Variants in FHL2 observed in about 807,000 individuals in gnomAD.
FHL2 encodes the protein four and a half LIM domains protein 2.
A neutral mutation model predicts 32.7 loss-of-function variants in FHL2; 20 were observed. The observed-to-expected ratio is 0.61, with a 90% CI of 0.43 to 0.89. The LOEUF is 0.89. FHL2 is among the 40% of genes least tolerant of loss of function. The pLI is 0.00. For missense variants in FHL2, 311 were observed against 358.6 expected, an observed-to-expected ratio of 0.87 and a Z score of 1.07; for synonymous variants, 123 against 128.1, an observed-to-expected ratio of 0.96 and a Z score of 0.27.
At chr2:105,416,896 G>C (rs1683951618) in intron 1 of FHL2, among the ~76,000 whole-genome samples, 1 of 152,128 alleles carries the variant, frequency 6.6e-6, no homozygotes, top group Non-Finnish European at 1.5e-5. Flanking sequence ...GCATTTTTGG[G>C]AAAATATCTA....
intron 1 of FHL2, among the ~76,000 whole-genome samples, chr2:105,407,736 C>CTG (rs1387783417): frequency 6.6e-6 from 1 of 152,158 alleles, no homozygotes; most frequent in Non-Finnish European, 1.5e-5. Context: ...TGGTGCTTCT[C>CTG]TCTCAGAGTC....
At chr2:105,430,729 T>C (rs557203377) in intron 1 of FHL2, among the ~76,000 whole-genome samples, 2 of 152,294 alleles carry the variant, frequency 1.3e-5, no homozygotes, top group South Asian at 2.1e-4. Context: ...GAGTTGGGTA[T>C]AAAGAAATTC....
At chr2:105,404,897 T>C (rs1683578926) in intron 1 of FHL2, among the ~76,000 whole-genome samples, 1 of 152,232 alleles carries the variant, frequency 6.6e-6, no homozygotes, top group Non-Finnish European at 1.5e-5. Flanking sequence ...GCCTGACTTT[T>C]AGCCAAATCC....
upstream of FHL2, among the ~76,000 whole-genome samples, chr2:105,400,656 T>G (rs1683428382): frequency 6.6e-6 from 1 of 151,670 alleles, no homozygotes; most frequent in Non-Finnish European, 1.5e-5. Context: ...GCATTTATCT[T>G]CTTTCTGATT....
intron 1 of FHL2, among the ~76,000 whole-genome samples, chr2:105,405,829 CCACAGGTAA>C (rs748572847): frequency 3.2e-4 from 49 of 152,332 alleles, no homozygotes; most frequent in Non-Finnish European, 5.7e-4. Flanking sequence ...GTGTATGTGG[CCACAGGTAA>C]CACCCTTCAC....
At chr2:105,365,934 G>C (rs1680600195) in intron 5 of FHL2, among the ~76,000 whole-genome samples, 1 of 152,194 alleles carries the variant, frequency 6.6e-6, no homozygotes, top group Non-Finnish European at 1.5e-5. Flanking sequence ...GCCAGGCATG[G>C]TGGCTCACGC....
intron 1 of FHL2, among the ~76,000 whole-genome samples, chr2:105,435,407 C>T (rs759519859): frequency 1.2e-4 from 18 of 152,200 alleles, no homozygotes; most frequent in Admixed American, 4.6e-4. Flanking sequence ...TGTGTTCATA[C>T]GAAACCGTGA....
intron 4 of FHL2, among the ~76,000 whole-genome samples, chr2:105,369,977 G>A (rs1480313089): frequency 6.6e-6 from 1 of 152,220 alleles, no homozygotes; most frequent in Non-Finnish European, 1.5e-5. Context: ...ATACCGGCAG[G>A]TGGCAGGAGC....
chr2:105,398,590 C>G (rs1683306436), intron 1 of FHL2, among the ~76,000 whole-genome samples: 1 of 152,328 alleles, frequency 6.6e-6, no homozygotes, highest in Non-Finnish European at 1.5e-5. Context: ...CTGGTGAGGA[C>G]GCGGGCTGCA....
chr2:105,386,251 G>A, intron 3 of FHL2, 110 bp downstream of exon 3: 1 of 1,292,320 alleles, frequency 7.7e-7, no homozygotes, highest in South Asian at 1.4e-5. Context: ...CCCTCAGAGG[G>A]GGCTCAAGAG....
At chr2:105,438,177 G>C (rs1050716817) in intron 1 of FHL2, among the ~76,000 whole-genome samples, 2 of 152,168 alleles carry the variant, frequency 1.3e-5, no homozygotes, top group Non-Finnish European at 2.9e-5. Flanking sequence ...GTAGCTCTGG[G>C]CAGGGTGGCT....
At chr2:105,399,091 T>C (rs1202558884), upstream of FHL2, 1 of 1,485,252 alleles carries the variant, frequency 6.7e-7, no homozygotes. Context: ...AACCCCGCCG[T>C]GTCATTTGAC....
intron 1 of FHL2, among the ~76,000 whole-genome samples, chr2:105,404,405 G>T (rs760933797): frequency 1.3e-5 from 2 of 152,204 alleles, no homozygotes; most frequent in Non-Finnish European, 2.9e-5. Context: ...CCTGGCAGTG[G>T]GGTCAGGAGG....
intron 1 of FHL2, among the ~76,000 whole-genome samples, chr2:105,421,561 G>C (rs1490692105): frequency 1.3e-5 from 2 of 151,352 alleles, no homozygotes; most frequent in Admixed American, 1.3e-4. Flanking sequence ...TGTTGTGACA[G>C]ATCTCTGGCA....
upstream of FHL2, among the ~76,000 whole-genome samples, chr2:105,402,636 A>G (rs1683509845): frequency 6.6e-6 from 1 of 152,256 alleles, no homozygotes; most frequent in African/African-American, 2.4e-5. Flanking sequence ...ATAGTAAGTC[A>G]AAGGAGGATG....
chr2:105,399,210 C>A (rs924891004), upstream of FHL2: 2 of 1,519,358 alleles, frequency 1.3e-6, no homozygotes, highest in African/African-American at 1.4e-5. Context: ...CTGCGGCGGT[C>A]CCGGCCCGTA....
intron 3 of FHL2, 52 bp from the exon 4 acceptor site, chr2:105,373,785 A>G: frequency 6.3e-7 from 1 of 1,599,894 alleles, no homozygotes; most frequent in Non-Finnish European, 8.5e-7. Flanking sequence ...GAGGGCTTGG[A>G]CCCACAGCAT....
intron 1 of FHL2, among the ~76,000 whole-genome samples, chr2:105,435,133 T>C (rs2104688627): frequency 6.6e-6 from 1 of 152,336 alleles, no homozygotes; most frequent in East Asian, 1.9e-4. Flanking sequence ...AATATTGCTT[T>C]CTAGTTTGAG....
chr2:105,375,696 C>T (rs1681426714), intron 3 of FHL2: 1 of 152,254 alleles, frequency 6.6e-6, no homozygotes, highest in South Asian at 2.1e-4. Context: ...TTCATTCTCA[C>T]CTGAGCCCAG....
Sources: allele counts gnomAD v4.1 joint callset (sites outside exome capture counted in the v4.1 genomes callset), GRCh38; gene constraint gnomAD v4.1.1; transcripts MANE v1.5; gene names NCBI Gene and HGNC (gene_info 2026-07-23, HGNC 2026-07-21).